The following RAPGEF6 variants were observed in gnomAD, a reference collection of about 807,000 sequenced individuals.
RAPGEF6 encodes the protein Rap guanine nucleotide exchange factor 6.
In RAPGEF6, 56 loss-of-function variants were observed where a neutral mutation model predicts 171.4. That is an observed-to-expected ratio of 0.33 (90% confidence interval 0.26 to 0.41). The LOEUF is 0.41. RAPGEF6 is among the 10% of genes least tolerant of loss of function. The pLI is 1.00. For synonymous variants in RAPGEF6, 692 were observed against 650.1 expected (o/e 1.06, Z -0.98); for missense variants, 1,674 against 1,921.4 (o/e 0.87, Z 2.41).
rs866376918 is a variant in RAPGEF6 at position 131,622,797 on chromosome 5, C to A, written c.69+12165G>T. On this transcript the variant is annotated intron_variant, in intron 1 of 27. Coordinates refer to ENST00000509018, the MANE Select transcript of RAPGEF6 (RefSeq NM_016340.6). ...TAAGTTCTTTTTCTTTCCAAGGAACCCTCTGAATGTGCATCTGCTGTGGGA... is the reference window on the plus strand; with the variant it reads ...TAAGTTCTTTTTCTTTCCAAGGAACACTCTGAATGTGCATCTGCTGTGGGA... Among the ~76,000 whole-genome samples, 3 of 152,078 alleles carry A rather than the reference C, an allele frequency of 2.0e-5. No homozygotes were observed. The South Asian group carries it at 6.2e-4, about 31-fold the overall frequency.
rs73786697 is a variant in RAPGEF6, at chr5:131,542,569, A to G, written c.495+5478T>C. On this transcript the variant is annotated intron_variant, in intron 6 of 27. Transcript: ENST00000509018. ...AGGAGCATCCATTCTGATGAGAGAG[A>G]TATTTAAATAAACAATTACACTGCA... 6.5e-3 allele frequency among the ~76,000 whole-genome samples: 987 copies of G among 152,284 alleles called. 10 individuals are homozygous for G. The highest frequency in any genetic ancestry group is 0.022 in the African/African-American group (926 of 41,570).
Position 131,592,480 on chromosome 5 carries a change from T to C in RAPGEF6, c.198-14A>G, listed in dbSNP as rs1763651523. 1 of 1,609,490 alleles carries C rather than the reference T, an allele frequency of 6.2e-7. No individual in the cohort carries two copies. The highest frequency in any genetic ancestry group is 8.5e-7 in the Non-Finnish European group (1 of 1,177,548). On this transcript the variant is annotated splice_polypyrimidine_tract_variant and intron_variant, in intron 3 of 27. Transcript: ENST00000509018. ...ATCGTTTCTGAACTGTTTAAATAAATAAGTAAATAAATGAGCAAAACAACA... is the reference window on the plus strand; with the variant it reads ...ATCGTTTCTGAACTGTTTAAATAAACAAGTAAATAAATGAGCAAAACAACA...
chr5:131,561,021 T>C (rs10067318), intron 5 of RAPGEF6, among the ~76,000 whole-genome samples: 15,695 of 152,142 alleles, frequency 0.1, 1,924 homozygotes, highest in African/African-American at 0.3. Context: ...GAGATCCTAG[T>C]AGGACAATGA....
At chr5:131,574,680 C>T (rs1762503319) in intron 4 of RAPGEF6, among the ~76,000 whole-genome samples, 1 of 152,038 alleles carries the variant, frequency 6.6e-6, no homozygotes, top group South Asian at 2.1e-4. Context: ...GGACTACAGC[C>T]ACACCTCATT....
chr5:131,627,845 CACA>C (rs749174052), intron 1 of RAPGEF6, among the ~76,000 whole-genome samples: 8 of 152,276 alleles, frequency 5.3e-5, no homozygotes, highest in East Asian at 3.9e-4. Context: ...TGGTAATTCT[CACA>C]ACATTTCAAA....
At chr5:131,498,655 A>G in intron 11 of RAPGEF6, 48 bp from the exon 12 acceptor site, 1 of 1,520,736 alleles carries the variant, frequency 6.6e-7, no homozygotes, top group Non-Finnish European at 9.0e-7. Context: ...AAATGACCCA[A>G]GAACCAAAGA....
chr5:131,561,856 T>C, intron 5 of RAPGEF6, 122 bp downstream of exon 5: 1 of 722,092 alleles, frequency 1.4e-6, no homozygotes, highest in Non-Finnish European at 2.3e-6. Context: ...GTTCTGATGC[T>C]ACTTGATGAA....
chr5:131,447,135 T>C (rs1434392365), intron 21 of RAPGEF6: 1 of 162,612 alleles, frequency 6.1e-6, no homozygotes, highest in Admixed American at 5.8e-5. Flanking sequence ...GTTTTGCTTG[T>C]TGTTCTGCTT....
At chr5:131,567,938 G>A (rs369586320) in intron 4 of RAPGEF6, among the ~76,000 whole-genome samples, 15 of 152,058 alleles carry the variant, frequency 9.9e-5, no homozygotes, top group African/African-American at 2.7e-4. Flanking sequence ...TTAACACTAC[G>A]AAATTTTGCT....
At chr5:131,579,309 T>C (rs992586757) in intron 4 of RAPGEF6, among the ~76,000 whole-genome samples, 11 of 152,160 alleles carry the variant, frequency 7.2e-5, no homozygotes, top group Non-Finnish European at 8.8e-5. Context: ...GCAAGATTTA[T>C]TGCAAAAAGC....
In RAPGEF6 at chr5:131,472,390, T is replaced by G. The variant is rs1401318413; in HGVS notation, c.2239+197A>C. ...CTGGCCAGAGGTAGTCTCTTTTTTA[T>G]GTACTTCTGTTTCACTTTAGAGGAA... On this transcript the variant is annotated intron_variant, in intron 17 of 27. Transcript: ENST00000509018. 4 of 712,508 alleles carry G rather than the reference T, an allele frequency of 5.6e-6. No homozygotes were observed. The East Asian group carries it at 1.1e-4, about 20-fold the overall frequency. 44.1% of individuals were successfully genotyped at this position (712,508 alleles called of 1,614,324 possible). A position where few individuals can be genotyped will look rare whatever the true frequency, so the allele number is the denominator to read the frequency against.
intron 3 of RAPGEF6, among the ~76,000 whole-genome samples, chr5:131,601,268 C>T (rs1175535450): frequency 6.6e-6 from 1 of 151,400 alleles, no homozygotes; most frequent in African/African-American, 2.4e-5. Flanking sequence ...GCCTGTAATC[C>T]CAGCTACTCG....
In RAPGEF6 at chr5:131,472,753, G is replaced by C. The variant is rs1754835807; in HGVS notation, c.2082-9C>G. The C allele has an allele frequency of 1.2e-6, 2 of 1,600,422 alleles. No homozygotes were observed. The highest frequency in any genetic ancestry group is 1.7e-6 in the Non-Finnish European group (2 of 1,167,698). The stretch of plus-strand genomic sequence containing the variant: ...GGCTTAGGCCTCCATCACTTCAAAA[G>C]AATGTCATATATCACTTTAAAGTAT... On this transcript the variant is annotated splice_polypyrimidine_tract_variant and intron_variant, in intron 16 of 27. Coordinates refer to ENST00000509018, the MANE Select transcript of RAPGEF6 (RefSeq NM_016340.6).
chr5:131,564,525 G>A (rs950265043), intron 4 of RAPGEF6, among the ~76,000 whole-genome samples: 8 of 152,092 alleles, frequency 5.3e-5, no homozygotes, highest in Admixed American at 1.3e-4. Context: ...TAGACTATAC[G>A]TTAGAACAAA....
chr5:131,528,336 TATACACACACACACACA>T (rs1561538502), intron 6 of RAPGEF6, among the ~76,000 whole-genome samples: 1 of 24,482 alleles, frequency 4.1e-5, no homozygotes, highest in African/African-American at 8.0e-5. Flanking sequence ...TATATATATA[TATACACACACACACACA>T]TATATATATA....
rs183146424 is a variant in RAPGEF6, at chr5:131,424,706, T to G, written c.*2560A>C. On this transcript the variant is annotated 3_prime_UTR_variant, in exon 28 of 28. Coordinates refer to ENST00000509018, the MANE Select transcript of RAPGEF6 (RefSeq NM_016340.6). The stretch of plus-strand genomic sequence containing the variant: ...TTGGAGTAAATTAGAATTATTAACT[T>G]TAATAAGCTTTTATGGAATCATGTA... The G allele has an allele frequency of 1.0e-3, 157 of 152,396 alleles. No homozygotes were observed. Among genetic ancestry groups the G allele is most frequent in the African/African-American group, 3.7e-3 (152 of 41,568 alleles). 9.4% of individuals were successfully genotyped at this position (152,396 alleles called of 1,614,324 possible). A position where few individuals can be genotyped will look rare whatever the true frequency, so the allele number is the denominator to read the frequency against.
rs528234246 is a variant in RAPGEF6, at chr5:131,485,302, G to T, written c.1840+4244C>A. Reference sequence around the variant, plus strand: ...AAGTTAAAATTCCAGGATAGGAAGAGAGTAAACTGAGACTGCCAGCTGTTT... The same window carrying T: ...AAGTTAAAATTCCAGGATAGGAAGATAGTAAACTGAGACTGCCAGCTGTTT... On this transcript the variant is annotated intron_variant, in intron 15 of 27. Coordinates refer to ENST00000509018, the MANE Select transcript of RAPGEF6 (RefSeq NM_016340.6). Among the ~76,000 whole-genome samples the T allele has an allele frequency of 2.6e-5, 4 of 152,332 alleles. No homozygotes were observed. In the East Asian group the frequency reaches 7.7e-4, roughly 29 times the overall value.
At chr5:131,471,515 G>A (rs1754735518) in intron 17 of RAPGEF6, among the ~76,000 whole-genome samples, 1 of 152,016 alleles carries the variant, frequency 6.6e-6, no homozygotes, top group Non-Finnish European at 1.5e-5. Flanking sequence ...AAAATTGAAG[G>A]TGAATCAGAA....
At chr5:131,446,772 A>G in intron 21 of RAPGEF6, 69 bp from the exon 22 acceptor site, 3 of 1,406,268 alleles carry the variant, frequency 2.1e-6, no homozygotes, top group South Asian at 1.3e-5. Context: ...ATTGAAGATT[A>G]AAAGATTTTG....
Sources: allele counts gnomAD v4.1 joint callset (sites outside exome capture counted in the v4.1 genomes callset), GRCh38; gene constraint gnomAD v4.1.1; transcripts MANE v1.5; gene names NCBI Gene and HGNC (gene_info 2026-07-23, HGNC 2026-07-21).